SH3RF3: variants seen among roughly 807,000 people sequenced by gnomAD.
SH3RF3 encodes the protein E3 ubiquitin-protein ligase SH3RF3.
SH3RF3 carries 29 observed loss-of-function variants against 66.3 expected under a neutral mutation model. The observed-to-expected ratio is 0.44, with a 90% confidence interval of 0.33 to 0.60. SH3RF3 has a LOEUF of 0.60. Among genes scored for constraint, SH3RF3 ranks in the 20% least tolerant of loss-of-function variants. The pLI is 0.04. For missense variants in SH3RF3, 1,194 were observed against 1,190.9 expected (o/e 1.00, Z -0.04); for synonymous variants, 583 against 532.0 (o/e 1.10, Z -1.32).
chr2:109,454,894 C>A (rs544744902), intron 8 of SH3RF3, among the ~76,000 whole-genome samples: 3 of 151,606 alleles, frequency 2.0e-5, no homozygotes, highest in Non-Finnish European at 4.4e-5. Context: ...TTCACTCTCA[C>A]GACTTATGGG....
At chr2:109,157,925 C>T (rs1216548175) in intron 1 of SH3RF3, among the ~76,000 whole-genome samples, 1 of 152,178 alleles carries the variant, frequency 6.6e-6, no homozygotes, top group Non-Finnish European at 1.5e-5. Context: ...GTTTGATTTG[C>T]AGGCCGCTAA....
chr2:109,476,903 C>T (rs932003021), intron 8 of SH3RF3, among the ~76,000 whole-genome samples: 1 of 152,124 alleles, frequency 6.6e-6, no homozygotes, highest in Non-Finnish European at 1.5e-5. Context: ...ATTGTCATGG[C>T]GCTAATGGGA....
chr2:109,185,112 G>A (rs1487741613), intron 1 of SH3RF3, among the ~76,000 whole-genome samples: 4 of 152,136 alleles, frequency 2.6e-5, no homozygotes, highest in Non-Finnish European at 5.9e-5. Context: ...GATTAGAGTG[G>A]AATATATTCA....
chr2:109,216,326 C>T (rs13036203), intron 1 of SH3RF3, among the ~76,000 whole-genome samples: 42,993 of 152,150 alleles, frequency 0.28, 7,394 homozygotes, highest in South Asian at 0.39. Context: ...CTTAGTGATC[C>T]CACCTTGAGG....
chr2:109,274,452 A>G (rs759394778), intron 1 of SH3RF3, among the ~76,000 whole-genome samples: 1 of 152,256 alleles, frequency 6.6e-6, no homozygotes, highest in Non-Finnish European at 1.5e-5. Context: ...TTATTCAGCC[A>G]TCAAAGGAAA....
At chr2:109,135,772 C>T (rs981285580) in intron 1 of SH3RF3, among the ~76,000 whole-genome samples, 2 of 152,138 alleles carry the variant, frequency 1.3e-5, no homozygotes, top group Non-Finnish European at 2.9e-5. Context: ...GGCATCTATG[C>T]GGAGTAGTTG....
chr2:109,447,720 T>C (rs1381613226), intron 7 of SH3RF3, among the ~76,000 whole-genome samples: 1 of 152,190 alleles, frequency 6.6e-6, no homozygotes, highest in African/African-American at 2.4e-5. Context: ...AGGAGATAAT[T>C]CCCTGAAATT....
chr2:109,315,310 C>T (rs376732339), intron 1 of SH3RF3, among the ~76,000 whole-genome samples: 2 of 152,314 alleles, frequency 1.3e-5, no homozygotes, highest in East Asian at 1.9e-4. Context: ...GGGTCCAACA[C>T]CAACTTGGAG....
chr2:109,315,000 G>C lies in SH3RF3; in HGVS notation c.574-32674G>C, dbSNP rs567412471. 6.8e-4 allele frequency among the ~76,000 whole-genome samples: 104 copies of C among 152,272 alleles called. 1 individual carries two copies. The highest frequency in any genetic ancestry group is 2.3e-3 in the African/African-American group (97 of 41,554). ...CCAGCAGGCATTCCAGAGCTGCACTGTCCCATAAGGTAGCCACCGACCACA... is the reference window on the plus strand; with the variant it reads ...CCAGCAGGCATTCCAGAGCTGCACTCTCCCATAAGGTAGCCACCGACCACA... On this transcript the variant is annotated intron_variant, in intron 1 of 9. Coordinates refer to ENST00000309415, the MANE Select transcript of SH3RF3 (RefSeq NM_001099289.3).
chr2:109,484,464 C>T (rs1678918012), intron 8 of SH3RF3, among the ~76,000 whole-genome samples: 1 of 152,072 alleles, frequency 6.6e-6, no homozygotes, highest in African/African-American at 2.4e-5. Flanking sequence ...TGTTCCACAC[C>T]TCTGACCACT....
intron 6 of SH3RF3, 108 bp downstream of exon 6, chr2:109,432,779 G>A (rs7558217): frequency 0.51 from 717,018 of 1,411,320 alleles, 185,504 homozygotes; most frequent in Admixed American, 0.53. Context: ...CCAGAAGGCA[G>A]CAAGGCCACC....
At chr2:109,188,886 T>TTG (rs2105013765) in intron 1 of SH3RF3, among the ~76,000 whole-genome samples, 1 of 152,256 alleles carries the variant, frequency 6.6e-6, no homozygotes, top group African/African-American at 2.4e-5. Context: ...TGCCGGGGCA[T>TTG]TGTGTAGCAG....
At chr2:109,155,865 A>G (rs1435097493) in intron 1 of SH3RF3, among the ~76,000 whole-genome samples, 1 of 152,158 alleles carries the variant, frequency 6.6e-6, no homozygotes, top group Non-Finnish European at 1.5e-5. Flanking sequence ...TGTTATAACT[A>G]TTTTGGTAGC....
At position 109,214,518 on chromosome 2, in the gene SH3RF3, G is replaced by A. The variant is rs557231001; in HGVS notation, c.573+84405G>A. Among the ~76,000 whole-genome samples the A allele has an allele frequency of 8.6e-5, 13 of 151,974 alleles. No individual in the cohort carries two copies. In the South Asian group the frequency reaches 1.5e-3, roughly 17 times the overall value. On this transcript the variant is annotated intron_variant, in intron 1 of 9. Coordinates refer to ENST00000309415, the MANE Select transcript of SH3RF3 (RefSeq NM_001099289.3). ...GAGCCCAAGCCAGCCAGGCCCTGGC[G>A]TAGAAGACCTGTGAGACAAGGACTA... is the stretch of plus-strand genomic sequence containing the variant.
At chr2:109,152,690 C>T (rs737478) in intron 1 of SH3RF3, among the ~76,000 whole-genome samples, 21,460 of 152,150 alleles carry the variant, frequency 0.14, 1,674 homozygotes, top group Middle Eastern at 0.21. Context: ...ACTGCTGAAC[C>T]CAGCTCATCA....
intron 1 of SH3RF3, among the ~76,000 whole-genome samples, chr2:109,276,494 G>A (rs755770665): frequency 3.3e-5 from 5 of 152,268 alleles, no homozygotes; most frequent in African/African-American, 1.2e-4. Flanking sequence ...CTGCATGGAA[G>A]GCCTTGTTCA....
chr2:109,479,792 G>A (rs1573286644), intron 8 of SH3RF3, among the ~76,000 whole-genome samples: 1 of 152,112 alleles, frequency 6.6e-6, no homozygotes, highest in East Asian at 1.9e-4. Context: ...GCAATTCTAC[G>A]GGTTTCGCAG....
intron 3 of SH3RF3, among the ~76,000 whole-genome samples, chr2:109,373,661 G>A (rs1683322553): frequency 6.6e-6 from 1 of 152,148 alleles, no homozygotes; most frequent in South Asian, 2.1e-4. Context: ...ACTGGAAGAG[G>A]TAAGGAGGTT....
chr2:109,286,354 C>T (rs944430916), intron 1 of SH3RF3, among the ~76,000 whole-genome samples: 2 of 152,186 alleles, frequency 1.3e-5, no homozygotes, highest in Non-Finnish European at 2.9e-5. Context: ...ACGCAGTGGT[C>T]ACTCCAGGGG....
Sources: allele counts gnomAD v4.1 joint callset (sites outside exome capture counted in the v4.1 genomes callset), GRCh38; gene constraint gnomAD v4.1.1; transcripts MANE v1.5; gene names NCBI Gene and HGNC (gene_info 2026-07-23, HGNC 2026-07-21).